DENND2C: variants seen among roughly 807,000 people sequenced by gnomAD.
DENND2C encodes DENN domain-containing protein 2C.
DENND2C carries 72 observed loss-of-function variants against 112.4 expected under a neutral mutation model. That is an observed-to-expected ratio of 0.64 (90% CI 0.53 to 0.78). DENND2C has a LOEUF of 0.78. DENND2C is among the 30% of genes least tolerant of loss of function. The pLI, the probability that DENND2C is intolerant of heterozygous loss-of-function variation, is 0.00. For synonymous variants in DENND2C, 329 were observed against 381.6 expected, an observed-to-expected ratio of 0.86 and a Z score of 1.61; for missense variants, 992 against 1,113.8, an observed-to-expected ratio of 0.89 and a Z score of 1.56.
chr1:114,620,594 G>GC (rs1413410448), intron 7 of DENND2C, among the ~76,000 whole-genome samples: 1 of 152,118 alleles, frequency 6.6e-6, no homozygotes, highest in Non-Finnish European at 1.5e-5. Context: ...TTGTTGCTGG[G>GC]CCATGTGGGA....
At chr1:114,617,778 G>C (rs1403529122) in intron 8 of DENND2C, among the ~76,000 whole-genome samples, 3 of 151,614 alleles carry the variant, frequency 2.0e-5, no homozygotes, top group Non-Finnish European at 4.4e-5. Context: ...CAACAAAAGA[G>C]TCTATACTGA....
At chr1:114,646,852 T>A (rs895691429) in intron 2 of DENND2C, among the ~76,000 whole-genome samples, 1 of 152,174 alleles carries the variant, frequency 6.6e-6, no homozygotes, top group African/African-American at 2.4e-5. Flanking sequence ...GTTCACCATT[T>A]CACCTAGGTA....
In DENND2C at chr1:114,625,334, G is replaced by A; in HGVS notation, c.651C>T (p.Phe217=). The change falls in exon 4 of 21, where the codon TTC becomes TTT. Residue 217 remains phenylalanine (F), a synonymous_variant. Transcript: ENST00000393274. ...INPLPKPRRT[F]RYLSESGVTP... is the part of the protein sequence containing the mutation. ...TAACACCAGATTCGGATAAATATCT[G>A]AATGTCCTACGAGGTTTTGGCAAAG... is the stretch of plus-strand genomic sequence containing the variant. The A allele has an allele frequency of 3.1e-6, 5 of 1,614,134 alleles. No individual in the cohort carries two copies. The highest frequency in any genetic ancestry group is 3.4e-6 in the Non-Finnish European group (4 of 1,180,012).
At chr1:114,627,747 T>C (rs1268678745) in intron 3 of DENND2C, among the ~76,000 whole-genome samples, 2 of 152,194 alleles carry the variant, frequency 1.3e-5, no homozygotes, top group African/African-American at 4.8e-5. Flanking sequence ...CTGTTGATTA[T>C]TAAAACTGAA....
intron 8 of DENND2C, among the ~76,000 whole-genome samples, chr1:114,614,579 A>ATT (rs138317872): frequency 3.3e-5 from 5 of 150,188 alleles, no homozygotes; most frequent in Non-Finnish European, 5.9e-5. Flanking sequence ...AAGTTGGAGG[A>ATT]TTTTTTTTTT....
chr1:114,587,559 T>G lies in DENND2C; in HGVS notation c.2669-86A>C, dbSNP rs933582654. The G allele has an allele frequency of 3.3e-6, 5 of 1,507,042 alleles. No individual in the cohort carries two copies. In the African/African-American group the frequency reaches 6.9e-5, roughly 21 times the overall value. 93.4% of individuals were successfully genotyped at this position (1,507,042 alleles called of 1,614,324 possible). A position where few individuals can be genotyped will look rare whatever the true frequency, so the allele number is the denominator to read the frequency against. ...AATTCTGTGCTTATAACCAGTGTAT[T>G]ATTTCCAGGGCTAAAACAATATTAC... is the stretch of plus-strand genomic sequence containing the variant. On this transcript the variant is annotated intron_variant, in intron 19 of 20. Transcript: ENST00000393274.
chr1:114,593,686 T>C (rs1354797088), intron 18 of DENND2C, among the ~76,000 whole-genome samples: 3 of 152,102 alleles, frequency 2.0e-5, no homozygotes, highest in Middle Eastern at 3.4e-3. Flanking sequence ...GGCAGGAGGA[T>C]TGCTTGAGCC....
rs542803941 is a variant in DENND2C, at chr1:114,631,037, A to G, written c.-204-4849T>C. Among the ~76,000 whole-genome samples, 18 of 152,364 alleles carry G rather than the reference A, an allele frequency of 1.2e-4. No homozygotes were observed. In the East Asian group the frequency reaches 2.7e-3, roughly 23 times the overall value. On this transcript the variant is annotated intron_variant, in intron 3 of 20. Coordinates refer to ENST00000393274, the MANE Select transcript of DENND2C (RefSeq NM_001256404.2). ...TAAGTACTCACAAAAACAAAATTCA[A>G]TAATTTTTACATGAAGACAACTAAA... is the stretch of plus-strand genomic sequence containing the variant.
rs543754608 is a variant in DENND2C, at chr1:114,618,280, G to T, written c.1324+106C>A. On this transcript the variant is annotated intron_variant, in intron 8 of 20. Coordinates refer to ENST00000393274, the MANE Select transcript of DENND2C (RefSeq NM_001256404.2). ...TGGGATTACAGGTGTGAGCCACCAC[G>T]CCCGGCCCCAAAATTTTTAATACAC... 11 of 685,158 alleles carry T rather than the reference G, an allele frequency of 1.6e-5. No individual in the cohort carries two copies. In the South Asian group the frequency reaches 2.2e-4, roughly 14 times the overall value. 42.4% of individuals were successfully genotyped at this position (685,158 alleles called of 1,614,324 possible).
chr1:114,598,396 T>C (rs1198942466), intron 16 of DENND2C, among the ~76,000 whole-genome samples: 1 of 151,774 alleles, frequency 6.6e-6, no homozygotes. Flanking sequence ...AATCTATTTA[T>C]ATCAAGCTTA....
intron 11 of DENND2C, among the ~76,000 whole-genome samples, chr1:114,603,202 G>A (rs1010873798): frequency 6.0e-5 from 9 of 150,580 alleles, no homozygotes; most frequent in African/African-American, 2.0e-4. Context: ...GTGCAGTGGC[G>A]CAATCTCTGC....
intron 2 of DENND2C, among the ~76,000 whole-genome samples, chr1:114,653,088 T>TA (rs372280124): frequency 6.6e-6 from 1 of 151,994 alleles, no homozygotes; most frequent in Non-Finnish European, 1.5e-5. Flanking sequence ...GTTGTACCAA[T>TA]AAAGTTTTTT....
intron 3 of DENND2C, among the ~76,000 whole-genome samples, chr1:114,632,363 A>G (rs1334287142): frequency 6.6e-6 from 1 of 152,164 alleles, no homozygotes; most frequent in Non-Finnish European, 1.5e-5. Flanking sequence ...AACCATAACC[A>G]AGTTGCTAAA....
At chr1:114,602,341 G>GA in intron 11 of DENND2C, 147 bp from the exon 12 acceptor site, 1 of 732,146 alleles carries the variant, frequency 1.4e-6, no homozygotes, top group Non-Finnish European at 2.1e-6. Flanking sequence ...ATTCTCCATG[G>GA]AAAAAACAAT....
intron 3 of DENND2C, among the ~76,000 whole-genome samples, chr1:114,636,672 A>G (rs1406083236): frequency 6.6e-6 from 1 of 152,144 alleles, no homozygotes; most frequent in East Asian, 1.9e-4. Flanking sequence ...GTCTCAAACA[A>G]CAGCAACAAA....
chr1:114,663,956 T>C (rs1657575954), intron 1 of DENND2C, among the ~76,000 whole-genome samples: 1 of 150,876 alleles, frequency 6.6e-6, no homozygotes, highest in Non-Finnish European at 1.5e-5. Flanking sequence ...CTATTCTTTT[T>C]TTTTTTTTTT....
At chr1:114,639,126 C>T (rs1010636986) in intron 3 of DENND2C, among the ~76,000 whole-genome samples, 3 of 151,998 alleles carry the variant, frequency 2.0e-5, no homozygotes, top group Non-Finnish European at 4.4e-5. Context: ...AATTAAAACA[C>T]AAGATTCTAA....
At chr1:114,634,493 A>G (rs1188238731) in intron 3 of DENND2C, among the ~76,000 whole-genome samples, 1 of 152,038 alleles carries the variant, frequency 6.6e-6, no homozygotes, top group Non-Finnish European at 1.5e-5. Flanking sequence ...GCCACCAAAA[A>G]TACTCTTTTC....
At chr1:114,661,399 T>C (rs1426869355) in intron 1 of DENND2C, among the ~76,000 whole-genome samples, 2 of 152,210 alleles carry the variant, frequency 1.3e-5, no homozygotes, top group Admixed American at 6.5e-5. Context: ...TAGCCATTTT[T>C]CCCTTATGCC....
Sources: allele counts gnomAD v4.1 joint callset (sites outside exome capture counted in the v4.1 genomes callset), GRCh38; gene constraint gnomAD v4.1.1; transcripts MANE v1.5; gene names NCBI Gene and HGNC (gene_info 2026-07-23, HGNC 2026-07-21).